The following PPIG variants were observed in gnomAD, a reference collection of about 807,000 sequenced individuals.
The protein encoded by PPIG is peptidylprolyl isomerase G.
A neutral mutation model predicts 87.9 loss-of-function variants in PPIG; 26 were observed. The ratio of observed to expected loss-of-function variants is 0.30; its 90% CI spans 0.22 to 0.41. PPIG has a LOEUF of 0.41. Among genes scored for constraint, PPIG ranks in the 10% least tolerant of loss-of-function variants. PPIG has a pLI of 1.00. For missense variants in PPIG, 722 were observed against 879.4 expected (o/e 0.82, Z 2.26); for synonymous variants, 308 against 276.5 (o/e 1.11, Z -1.13).
At chr2:169,601,839 A>G (rs934566810) in intron 1 of PPIG, among the ~76,000 whole-genome samples, 1 of 152,044 alleles carries the variant, frequency 6.6e-6, no homozygotes, top group South Asian at 2.1e-4. Flanking sequence ...AGCACTTGAA[A>G]TGTGGCTAGT....
intron 6 of PPIG, among the ~76,000 whole-genome samples, chr2:169,608,422 G>C (rs1487336727): frequency 1.3e-5 from 2 of 151,834 alleles, no homozygotes; most frequent in East Asian, 3.9e-4. Context: ...CCAGGAGGTG[G>C]AGCTTAACAG....
intron 9 of PPIG, among the ~76,000 whole-genome samples, chr2:169,619,772 T>A (rs971259102): frequency 2.6e-5 from 4 of 152,106 alleles, no homozygotes; most frequent in Non-Finnish European, 5.9e-5. Flanking sequence ...ATAATAGCCA[T>A]TGTAACAGGT....
chr2:169,619,706 C>T (rs1685692537), intron 9 of PPIG, among the ~76,000 whole-genome samples: 1 of 152,110 alleles, frequency 6.6e-6, no homozygotes, highest in Admixed American at 6.5e-5. Flanking sequence ...TTCCCACCAA[C>T]AGTTTACAAG....
At chr2:169,610,988 C>T (rs1182576716) in intron 7 of PPIG, among the ~76,000 whole-genome samples, 1 of 152,140 alleles carries the variant, frequency 6.6e-6, no homozygotes, top group East Asian at 1.9e-4. Context: ...GCGGGTGGAT[C>T]ACTTGAGGTT....
At chr2:169,591,294 GA>G (rs1684858758) in intron 1 of PPIG, among the ~76,000 whole-genome samples, 1 of 152,032 alleles carries the variant, frequency 6.6e-6, no homozygotes, top group Non-Finnish European at 1.5e-5. Context: ...ACCTCTTACT[GA>G]TTTTTTTATG....
intron 1 of PPIG, among the ~76,000 whole-genome samples, chr2:169,589,795 T>C (rs548289695): frequency 6.6e-6 from 1 of 152,154 alleles, no homozygotes; most frequent in African/African-American, 2.4e-5. Context: ...TACAGATATA[T>C]GTTAGCAGTA....
chr2:169,617,450 G>T (rs553647808), intron 9 of PPIG, among the ~76,000 whole-genome samples: 1 of 152,134 alleles, frequency 6.6e-6, no homozygotes, highest in Non-Finnish European at 1.5e-5. Flanking sequence ...ATTACTTTGG[G>T]CAGTATGGCC....
chr2:169,600,077 A>T (rs962622240), intron 1 of PPIG, among the ~76,000 whole-genome samples: 9 of 139,714 alleles, frequency 6.4e-5, no homozygotes, highest in African/African-American at 1.5e-4. Flanking sequence ...AGGAAAAAAA[A>T]ATTTTTTTTT....
At chr2:169,611,232 TAAAA>T (rs922275551) in intron 7 of PPIG, among the ~76,000 whole-genome samples, 2 of 151,766 alleles carry the variant, frequency 1.3e-5, no homozygotes, top group Non-Finnish European at 1.5e-5. Context: ...CTCTTCATTG[TAAAA>T]AAAGAAAAAG....
intron 9 of PPIG, among the ~76,000 whole-genome samples, chr2:169,630,143 T>G (rs879779607): frequency 2.4e-4 from 6 of 25,422 alleles, no homozygotes; most frequent in Non-Finnish European, 4.1e-4. Context: ...AACTCTGAGT[T>G]TTTTTTTTTT....
chr2:169,592,636 C>T (rs964864970), intron 1 of PPIG, among the ~76,000 whole-genome samples: 9 of 151,948 alleles, frequency 5.9e-5, no homozygotes, highest in African/African-American at 2.2e-4. Context: ...GATGCGTTCT[C>T]ATTATGTTGA....
At chr2:169,624,674 A>G (rs936691260) in intron 9 of PPIG, among the ~76,000 whole-genome samples, 1 of 151,852 alleles carries the variant, frequency 6.6e-6, no homozygotes, top group Admixed American at 6.6e-5. Context: ...TGCAAGCTCC[A>G]CCTCCCTGGT....
At chr2:169,599,645 A>G (rs1270784252) in intron 1 of PPIG, among the ~76,000 whole-genome samples, 1 of 151,836 alleles carries the variant, frequency 6.6e-6, no homozygotes, top group Non-Finnish European at 1.5e-5. Flanking sequence ...TTGTTATTTC[A>G]CTTTTTGTGA....
At chr2:169,628,757 T>TG (rs1685960075) in intron 9 of PPIG, among the ~76,000 whole-genome samples, 1 of 151,722 alleles carries the variant, frequency 6.6e-6, no homozygotes, top group Non-Finnish European at 1.5e-5. Flanking sequence ...CTAGGCAACA[T>TG]GGGGAGAACT....
intron 1 of PPIG, chr2:169,584,845 G>A (rs1457154305): frequency 1.1e-5 from 3 of 279,316 alleles, no homozygotes; most frequent in Non-Finnish European, 2.1e-5. Context: ...TGAACTCTAG[G>A]GAGCCGGGTT....
chr2:169,627,881 T>G (rs1685934208), intron 9 of PPIG, among the ~76,000 whole-genome samples: 1 of 152,094 alleles, frequency 6.6e-6, no homozygotes, highest in Non-Finnish European at 1.5e-5. Context: ...AACAAGTATA[T>G]TTTATGTTTA....
chr2:169,640,559 T>A lies in PPIG; in HGVS notation c.*3036T>A, dbSNP rs1370224732. ...GGTTTGCCTTCACCAGAAGGTACTT[T>A]AAATACCTACCATAGCTGATTTGTT... On this transcript the variant is annotated 3_prime_UTR_variant, in exon 14 of 14. Coordinates refer to ENST00000260970, the MANE Select transcript of PPIG (RefSeq NM_004792.3). The A allele has an allele frequency of 6.6e-6, 1 of 152,198 alleles. No homozygotes were observed. The highest frequency in any genetic ancestry group is 1.5e-5 in the Non-Finnish European group (1 of 68,030). 9.4% of individuals were successfully genotyped at this position (152,198 alleles called of 1,614,324 possible). A position where few individuals can be genotyped will look rare whatever the true frequency, so the allele number is the denominator to read the frequency against.
chr2:169,608,788 C>A, intron 7 of PPIG, 30 bp downstream of exon 7: 1 of 1,528,616 alleles, frequency 6.5e-7, no homozygotes, highest in East Asian at 2.3e-5. Flanking sequence ...TGATTTAAAA[C>A]ATCCCATTTT....
At chr2:169,585,398 A>T (rs916213376) in intron 1 of PPIG, among the ~76,000 whole-genome samples, 1 of 151,148 alleles carries the variant, frequency 6.6e-6, no homozygotes, top group Non-Finnish European at 1.5e-5. Context: ...AGTAGCTGGG[A>T]CTACAGGCAC....
Sources: gnomAD v4.1 joint callset for allele counts (sites outside exome capture counted in the v4.1 genomes callset) on GRCh38, gnomAD v4.1.1 for gene constraint, MANE v1.5 for transcripts, NCBI Gene and HGNC (gene_info 2026-07-23, HGNC 2026-07-21) for gene names.